Variants in AP2A2 observed in about 807,000 individuals in gnomAD.
AP2A2 encodes the protein AP-2 complex subunit alpha-2.
AP2A2 carries 32 observed loss-of-function variants against 104.2 expected under a neutral mutation model. The observed-to-expected ratio is 0.31, with a 90% confidence interval of 0.23 to 0.41. AP2A2 has a LOEUF of 0.41. AP2A2 is among the 10% of genes least tolerant of loss of function. The probability of loss-of-function intolerance (pLI) is 1.00; values close to 1 mark genes in which losing one functional copy is unlikely to be tolerated. For missense variants in AP2A2, 912 were observed against 1,261.0 expected (o/e 0.72, Z 4.19); for synonymous variants, 539 against 533.3 (o/e 1.01, Z -0.15).
chr11:1,006,182 C>G (rs1856197442), intron 16 of AP2A2, among the ~76,000 whole-genome samples: 1 of 152,236 alleles, frequency 6.6e-6, no homozygotes, highest in South Asian at 2.1e-4. Context: ...GCAGGCCCCT[C>G]CAGCTGTAGC....
rs1274164171 is a variant in AP2A2 at position 981,236 on chromosome 11, A to G, written c.642A>G (p.Leu214=). 6.2e-7 allele frequency: 1 copy of G among 1,613,728 alleles called. No homozygotes were observed. Among genetic ancestry groups the G allele is most frequent in the East Asian group, 2.2e-5 (1 of 44,882 alleles). The part of the protein sequence containing the change: ...VTAATSLITT[L]AQKNPEEFKT... ...CAGCCACAAGTCTGATCACCACTTT[A>G]GCACAGAAGAACCCAGAAGAGTTTA... The change falls in exon 6 of 22, where the codon TTA becomes TTG. Residue 214 remains leucine (L), a synonymous_variant. Coordinates refer to ENST00000448903, the MANE Select transcript of AP2A2 (RefSeq NM_012305.4).
intron 6 of AP2A2, among the ~76,000 whole-genome samples, chr11:983,421 C>T (rs546993191): frequency 1.6e-4 from 24 of 151,080 alleles, no homozygotes; most frequent in South Asian, 1.5e-3. Flanking sequence ...CTCACTCTGT[C>T]GCCCAGGCTG....
chr11:988,463 T>C, intron 9 of AP2A2, 89 bp from the exon 10 acceptor site: 2 of 1,502,376 alleles, frequency 1.3e-6, no homozygotes, highest in South Asian at 1.2e-5. Flanking sequence ...AGAGTGGGTG[T>C]TGAGATGCGG....
In AP2A2 at chr11:984,757, A is replaced by C; in HGVS notation, c.814+4A>C. ...CTGCAGTGCTACCCACCCCCAGGTA[A>C]CGCGCAGGCCGCGGCTCCTGAAGCT... On this transcript the variant is annotated splice_donor_region_variant and intron_variant, in intron 7 of 21. Transcript: ENST00000448903. The C allele has an allele frequency of 6.2e-7, 1 of 1,601,628 alleles. No homozygotes were observed. Among genetic ancestry groups the C allele is most frequent in the Non-Finnish European group, 8.5e-7 (1 of 1,170,440 alleles).
chr11:944,474 A>G (rs1017483681), intron 1 of AP2A2, among the ~76,000 whole-genome samples: 1 of 152,212 alleles, frequency 6.6e-6, no homozygotes, highest in Admixed American at 6.5e-5. Context: ...TCAAAAAGAA[A>G]AACATAGTTT....
intron 4 of AP2A2, among the ~76,000 whole-genome samples, chr11:972,485 A>G (rs1429943593): frequency 1.3e-5 from 2 of 152,206 alleles, no homozygotes; most frequent in African/African-American, 2.4e-5. Flanking sequence ...GCTTGAGCCC[A>G]GGAGTTCAAG....
chr11:942,196 G>C (rs894018240), intron 1 of AP2A2: 3 of 152,218 alleles, frequency 2.0e-5, no homozygotes, highest in African/African-American at 7.2e-5. Context: ...CAAAGTGCTG[G>C]GATTACAGGC....
At chr11:976,905 G>C (rs1271275595) in intron 4 of AP2A2, among the ~76,000 whole-genome samples, 190 bp from the exon 5 acceptor site, 1 of 152,192 alleles carries the variant, frequency 6.6e-6, no homozygotes, top group African/African-American at 2.4e-5. Flanking sequence ...GAGACCTTTG[G>C]AGCAGGGCCC....
chr11:964,760 G>C lies in AP2A2; in HGVS notation c.136+5255G>C, dbSNP rs535044305. Among the ~76,000 whole-genome samples, 152 of 152,284 alleles carry C rather than the reference G, an allele frequency of 1.0e-3. 1 individual carries two copies. Among genetic ancestry groups the C allele is most frequent in the Middle Eastern group, 3.4e-3 (1 of 294 alleles). ...GAAAGAATTTCCTACCAGAAGGCCT[G>C]TGTTAAAGGAAATGCCAAAGGAAAT... On this transcript the variant is annotated intron_variant, in intron 2 of 21. Transcript: ENST00000448903.
intron 2 of AP2A2, among the ~76,000 whole-genome samples, chr11:963,489 G>A (rs1412308848): frequency 6.6e-6 from 1 of 152,134 alleles, no homozygotes; most frequent in Non-Finnish European, 1.5e-5. Flanking sequence ...TTGAAGTCTG[G>A]TGTGTGTGTC....
chr11:940,836 AGGAGCCTGAAT>A (rs1173930596), intron 1 of AP2A2: 1 of 456,222 alleles, frequency 2.2e-6, no homozygotes, highest in South Asian at 1.5e-5. Context: ...AGGTCTGAGG[AGGAGCCTGAAT>A]GCTGGTTCAG....
At position 992,784 on chromosome 11, in the gene AP2A2, C is replaced by A; in HGVS notation, c.1452+99C>A. 1 of 1,318,448 alleles carries A rather than the reference C, an allele frequency of 7.6e-7. No individual in the cohort carries two copies. The highest frequency in any genetic ancestry group is 1.1e-6 in the Non-Finnish European group (1 of 935,554). The allele number at this position is 1,318,448 out of a possible 1,614,324, so 81.7% of individuals were successfully genotyped here. On this transcript the variant is annotated intron_variant, in intron 11 of 21. Coordinates refer to ENST00000448903, the MANE Select transcript of AP2A2 (RefSeq NM_012305.4). The surrounding 1 kb of genome is among the most constrained non-coding windows in gnomAD (Gnocchi z 6.4). ...CTGCCTGCGTGGAGGTGCCGAGGGCCGTTGCTGACCCCTCTTGCCCCTCAG... is the reference window on the plus strand; with the variant it reads ...CTGCCTGCGTGGAGGTGCCGAGGGCAGTTGCTGACCCCTCTTGCCCCTCAG...
intron 18 of AP2A2, 129 bp downstream of exon 18, chr11:1,008,264 G>C: frequency 7.6e-7 from 1 of 1,314,176 alleles, no homozygotes; most frequent in Non-Finnish European, 1.0e-6. Flanking sequence ...ACGGTGCATG[G>C]ATGCGGCCTG....
chr11:930,363 A>C (rs1253312384), intron 1 of AP2A2, among the ~76,000 whole-genome samples: 1 of 152,046 alleles, frequency 6.6e-6, no homozygotes, highest in African/African-American at 2.4e-5. Context: ...AACTAACTTA[A>C]TGTCTCCTAA....
chr11:986,610 C>T (rs954671617), intron 8 of AP2A2, among the ~76,000 whole-genome samples, 175 bp from the exon 9 acceptor site: 1 of 152,188 alleles, frequency 6.6e-6, no homozygotes, highest in Non-Finnish European at 1.5e-5. Context: ...GGGTGGGGGT[C>T]GGGCGTCATC....
chr11:976,683 G>A (rs375624821), intron 4 of AP2A2, among the ~76,000 whole-genome samples: 16 of 152,074 alleles, frequency 1.1e-4, no homozygotes, highest in Middle Eastern at 3.4e-3. Flanking sequence ...AGGGTGGGGC[G>A]TGGTGGGGTG....
At chr11:988,090 T>G (rs751761573) in intron 9 of AP2A2, among the ~76,000 whole-genome samples, 1 of 152,204 alleles carries the variant, frequency 6.6e-6, no homozygotes, top group Admixed American at 6.5e-5. Context: ...GGAGCAGAGC[T>G]CGGGCTTTCT....
At chr11:984,479 G>A (rs537895363) in intron 6 of AP2A2, among the ~76,000 whole-genome samples, 166 bp from the exon 7 acceptor site, 3 of 152,260 alleles carry the variant, frequency 2.0e-5, no homozygotes, top group African/African-American at 4.8e-5. Context: ...GCCCTCTCAC[G>A]GCGAACCCAG....
intron 1 of AP2A2, chr11:940,735 ACTTTGTG>A (rs989953489): frequency 4.5e-6 from 2 of 447,712 alleles, no homozygotes; most frequent in Non-Finnish European, 9.0e-6. Context: ...CTGAGCTCTC[ACTTTGTG>A]CTTGGTGGCT....
Sources: allele counts gnomAD v4.1 joint callset (sites outside exome capture counted in the v4.1 genomes callset), GRCh38; gene constraint gnomAD v4.1.1; non-coding constraint Gnocchi (gnomAD v3.1); transcripts MANE v1.5; gene names NCBI Gene and HGNC (gene_info 2026-07-23, HGNC 2026-07-21).